The following WWC2 variants were observed in gnomAD, a reference collection of about 807,000 sequenced individuals.
WWC2 encodes protein WWC2.
A neutral mutation model predicts 138.5 loss-of-function variants in WWC2; 101 were observed. The observed-to-expected ratio is 0.73, with a 90% CI of 0.62 to 0.86. WWC2 has a LOEUF of 0.86. Ranked by LOEUF, WWC2 falls within the 40% of genes least tolerant of loss-of-function variation. The pLI is 0.00. For synonymous variants in WWC2, 558 were observed against 538.4 expected, an observed-to-expected ratio of 1.04 and a Z score of -0.50; for missense variants, 1,420 against 1,419.4, an observed-to-expected ratio of 1.00 and a Z score of -0.01.
intron 1 of WWC2, among the ~76,000 whole-genome samples, chr4:183,169,257 T>G (rs1356646012): frequency 1.3e-5 from 2 of 152,246 alleles, no homozygotes; most frequent in Non-Finnish European, 2.9e-5. Flanking sequence ...ACTTTTAATT[T>G]TGCTTAATCA....
intron 1 of WWC2, among the ~76,000 whole-genome samples, chr4:183,174,149 C>T (rs1734382309): frequency 6.6e-6 from 1 of 152,174 alleles, no homozygotes; most frequent in African/African-American, 2.4e-5. Flanking sequence ...CTGTAATGTT[C>T]CCTGTTTTTA....
chr4:183,194,155 G>T (rs1735067456), intron 2 of WWC2, among the ~76,000 whole-genome samples: 1 of 152,160 alleles, frequency 6.6e-6, no homozygotes, highest in African/African-American at 2.4e-5. Context: ...GGAAGACATA[G>T]CGTAGCTGGG....
Position 183,264,184 on chromosome 4 carries a change from G to A in WWC2, c.1910-794G>A, listed in dbSNP as rs566198803. Among the ~76,000 whole-genome samples, 16 of 152,296 alleles carry A rather than the reference G, an allele frequency of 1.1e-4. 1 individual carries two copies. Among genetic ancestry groups the A allele is most frequent in the African/African-American group, 3.8e-4 (16 of 41,578 alleles). ...GCAGCAATCAATCCTGTAATCTGAA[G>A]CCTTAAAACTTAAACATCTTCACAA... On this transcript the variant is annotated intron_variant, in intron 11 of 22. Transcript: ENST00000403733.
At chr4:183,158,321 A>G (rs922628764) in intron 1 of WWC2, among the ~76,000 whole-genome samples, 4 of 152,110 alleles carry the variant, frequency 2.6e-5, no homozygotes, top group Non-Finnish European at 5.9e-5. Context: ...ACAAAGTAGC[A>G]CTGACTGGGT....
intron 1 of WWC2, among the ~76,000 whole-genome samples, chr4:183,106,999 TGCTA>T (rs1743382373): frequency 6.6e-6 from 1 of 152,226 alleles, no homozygotes; most frequent in South Asian, 2.1e-4. Context: ...TTGAGGGGAC[TGCTA>T]GACTGTTTAC....
At chr4:183,285,753 C>A (rs1488622291) in intron 19 of WWC2, among the ~76,000 whole-genome samples, 5 of 151,580 alleles carry the variant, frequency 3.3e-5, no homozygotes, top group African/African-American at 1.2e-4. Flanking sequence ...GAGTGAGACT[C>A]TGTCTCAAAA....
Position 183,249,995 on chromosome 4 carries a change from T to G in WWC2, c.953+2T>G. 6.2e-7 allele frequency: 1 copy of G among 1,613,132 alleles called. No individual in the cohort carries two copies. The highest frequency in any genetic ancestry group is 8.5e-7 in the Non-Finnish European group (1 of 1,179,394). ...ACAGTATGAAGAAGCCAAAAGAAGG[T>G]AATGACAGAGAAGCTGTTTTGTGCA... On this transcript the variant is annotated splice_donor_variant, in intron 8 of 22. Transcript: ENST00000403733. LOFTEE classifies it high-confidence loss of function.
chr4:183,108,544 G>A (rs1215299893), intron 1 of WWC2, among the ~76,000 whole-genome samples: 1 of 152,244 alleles, frequency 6.6e-6, no homozygotes, highest in Admixed American at 6.5e-5. Context: ...GGGTGGAGGA[G>A]TCCTGGGCTG....
chr4:183,273,905 T>A (rs562009334), intron 16 of WWC2, among the ~76,000 whole-genome samples: 1 of 152,326 alleles, frequency 6.6e-6, no homozygotes, highest in African/African-American at 2.4e-5. Flanking sequence ...GGTCTCTGAT[T>A]CATTTGAGTT....
intron 1 of WWC2, among the ~76,000 whole-genome samples, chr4:183,185,860 G>T (rs1447035568): frequency 6.6e-6 from 1 of 151,850 alleles, no homozygotes; most frequent in African/African-American, 2.4e-5. Context: ...GTATATTAGA[G>T]CATGTGTGGT....
At chr4:183,148,561 C>T (rs1256943854) in intron 1 of WWC2, among the ~76,000 whole-genome samples, 1 of 152,174 alleles carries the variant, frequency 6.6e-6, no homozygotes, top group South Asian at 2.1e-4. Context: ...GGCTTTCCTC[C>T]TCTCCAAAGG....
intron 16 of WWC2, among the ~76,000 whole-genome samples, chr4:183,279,013 G>A (rs376365344): frequency 2.6e-5 from 4 of 151,788 alleles, no homozygotes; most frequent in South Asian, 2.1e-4. Context: ...TTCCAACACT[G>A]TGTTGAATAG....
chr4:183,274,622 A>G (rs1208136520), intron 16 of WWC2, among the ~76,000 whole-genome samples: 1 of 152,124 alleles, frequency 6.6e-6, no homozygotes. Flanking sequence ...TTCTGGTGCT[A>G]TTGTGAATGG....
At chr4:183,238,756 C>T (rs1416056914) in intron 4 of WWC2, among the ~76,000 whole-genome samples, 2 of 152,172 alleles carry the variant, frequency 1.3e-5, no homozygotes, top group African/African-American at 2.4e-5. Flanking sequence ...AGGATCTGTT[C>T]TCTTGGCATA....
intron 8 of WWC2, among the ~76,000 whole-genome samples, chr4:183,250,236 C>G (rs1736937123): frequency 6.9e-6 from 1 of 144,826 alleles, no homozygotes; most frequent in African/African-American, 2.6e-5. Context: ...AATGAACTTG[C>G]CCCCTTCTCC....
chr4:183,315,526 T>C, intron 22 of WWC2, 137 bp from the exon 23 acceptor site: 1 of 568,688 alleles, frequency 1.8e-6, no homozygotes, highest in East Asian at 3.1e-5. Context: ...TTAAATGGAG[T>C]TCTGCGTAAG....
chr4:183,215,242 G>GTC (rs369099139), intron 4 of WWC2, among the ~76,000 whole-genome samples: 169 of 151,756 alleles, frequency 1.1e-3, no homozygotes, highest in Non-Finnish European at 1.4e-3. Context: ...TGTGGATGTG[G>GTC]TCTCTCTCTC....
rs1310431316 is a variant in WWC2 at position 183,316,130 on chromosome 4, C to G, written c.*401C>G. The G allele has an allele frequency of 5.5e-6, 1 of 181,084 alleles. No individual in the cohort carries two copies. The highest frequency in any genetic ancestry group is 1.2e-5 in the Non-Finnish European group (1 of 85,218). The allele number at this position is 181,084 out of a possible 1,614,324, so 11.2% of individuals were successfully genotyped here. A position where few individuals can be genotyped will look rare whatever the true frequency, so the allele number is the denominator to read the frequency against. Reference sequence around the variant, plus strand: ...TTGTGTTCCTGTGAGTAGGCTGTGCCGATGGCAGCAGCGCCACGTGGTATC... The same window carrying G: ...TTGTGTTCCTGTGAGTAGGCTGTGCGGATGGCAGCAGCGCCACGTGGTATC... On this transcript the variant is annotated 3_prime_UTR_variant, in exon 23 of 23. Coordinates refer to ENST00000403733, the MANE Select transcript of WWC2 (RefSeq NM_024949.6).
At chr4:183,251,211 C>T (rs568222842) in intron 8 of WWC2, among the ~76,000 whole-genome samples, 16 of 152,216 alleles carry the variant, frequency 1.1e-4, no homozygotes, top group Non-Finnish European at 1.8e-4. Flanking sequence ...AGTGCCTTCC[C>T]TTCAATAAGT....
Sources: gnomAD v4.1 joint callset for allele counts (sites outside exome capture counted in the v4.1 genomes callset) on GRCh38, gnomAD v4.1.1 for gene constraint, MANE v1.5 for transcripts, NCBI Gene and HGNC (gene_info 2026-07-23, HGNC 2026-07-21) for gene names.